The following ERBB4 variants were observed in gnomAD, a reference collection of about 807,000 sequenced individuals.
ERBB4 encodes receptor tyrosine-protein kinase erbB-4.
Under a neutral mutation model 158.0 loss-of-function variants are expected in ERBB4, and 42 were observed. The observed-to-expected ratio is 0.27, with a 90% CI of 0.21 to 0.34. The LOEUF (loss-of-function observed/expected upper bound fraction) is 0.34. Among genes scored for constraint, ERBB4 ranks in the 10% least tolerant of loss-of-function variants. The pLI, the probability that ERBB4 is intolerant of heterozygous loss-of-function variation, is 1.00. For synonymous variants in ERBB4, 583 were observed against 558.7 expected (o/e 1.04, Z -0.61); for missense variants, 1,333 against 1,624.1 (o/e 0.82, Z 3.08).
intron 3 of ERBB4, among the ~76,000 whole-genome samples, chr2:211,864,477 T>C (rs918096726): frequency 6.6e-6 from 1 of 152,172 alleles, no homozygotes; most frequent in Admixed American, 6.5e-5. Context: ...AGAAAGTCTG[T>C]AAACTGCCCC....
chr2:212,097,574 T>C (rs542754446), intron 2 of ERBB4, among the ~76,000 whole-genome samples: 1 of 152,020 alleles, frequency 6.6e-6, no homozygotes, highest in South Asian at 2.1e-4. Flanking sequence ...AGAAAGGAGA[T>C]GCATTGTGAT....
In ERBB4 at chr2:211,376,835, C is replaced by T. The variant is rs550745813; in HGVS notation, c.*6780G>A. 8.6e-6 allele frequency: 2 copies of T among 232,798 alleles called. No homozygotes were observed. The highest frequency in any genetic ancestry group is 4.4e-5 in the African/African-American group (2 of 45,240). The allele number at this position is 232,798 out of a possible 1,614,324, so 14.4% of individuals were successfully genotyped here. A position where few individuals can be genotyped will look rare whatever the true frequency, so the allele number is the denominator to read the frequency against. On this transcript the variant is annotated 3_prime_UTR_variant, in exon 28 of 28. Transcript: ENST00000342788. ...ACTAGTCATACACCATGGGAAAATGCGGTTTCAGCATGCAGCCACGCAATC... is the reference window on the plus strand; with the variant it reads ...ACTAGTCATACACCATGGGAAAATGTGGTTTCAGCATGCAGCCACGCAATC...
In ERBB4 at chr2:211,979,382, T is replaced by G. The variant is rs550045728; in HGVS notation, c.235-31766A>C. 3.6e-3 allele frequency among the ~76,000 whole-genome samples: 555 copies of G among 152,318 alleles called. 1 individual carries two copies. Among genetic ancestry groups the G allele is most frequent in the Non-Finnish European group, 6.3e-3 (427 of 68,012 alleles). ...AAGTTTATGTATTTTCATTTGTTTT[T>G]TAACCACATTATCTCTTGAGGTATA... is the stretch of plus-strand genomic sequence containing the variant. On this transcript the variant is annotated intron_variant, in intron 2 of 27. Transcript: ENST00000342788.
At chr2:211,731,693 A>G (rs1350248521) in intron 5 of ERBB4, among the ~76,000 whole-genome samples, 3 of 152,092 alleles carry the variant, frequency 2.0e-5, no homozygotes, top group Non-Finnish European at 2.9e-5. Context: ...TGACTAAAAA[A>G]CTGAACACTT....
intron 14 of ERBB4, among the ~76,000 whole-genome samples, chr2:211,668,834 T>C (rs937727819): frequency 4.6e-5 from 7 of 152,104 alleles, no homozygotes; most frequent in African/African-American, 1.7e-4. Flanking sequence ...AGACCCCATG[T>C]AGAAGTGGAA....
chr2:211,622,692 A>T (rs954856724), intron 18 of ERBB4, among the ~76,000 whole-genome samples: 8 of 151,788 alleles, frequency 5.3e-5, no homozygotes, highest in African/African-American at 1.9e-4. Context: ...CCAGCCGGGC[A>T]TGGTGGCTCA....
At chr2:211,658,131 A>G in intron 15 of ERBB4, 1 of 589,268 alleles carries the variant, frequency 1.7e-6, no homozygotes. Context: ...CAAGCCAGGA[A>G]GATTTTTGCT....
At chr2:211,401,896 CCT>C (rs2063050841) in intron 25 of ERBB4, among the ~76,000 whole-genome samples, 1 of 151,382 alleles carries the variant, frequency 6.6e-6, no homozygotes, top group Non-Finnish European at 1.5e-5. Context: ...GTAAGAAAAA[CCT>C]CTTTTATATT....
At chr2:212,084,245 C>T (rs752985663) in intron 2 of ERBB4, among the ~76,000 whole-genome samples, 7 of 151,874 alleles carry the variant, frequency 4.6e-5, no homozygotes, top group African/African-American at 7.2e-5. Context: ...AACAAATTAG[C>T]GGGAATTCAG....
intron 1 of ERBB4, among the ~76,000 whole-genome samples, chr2:212,414,004 CAG>C: frequency 6.6e-6 from 1 of 152,188 alleles, no homozygotes; most frequent in East Asian, 1.9e-4. Context: ...TACAACTTTC[CAG>C]AGTTATTGGG....
intron 2 of ERBB4, among the ~76,000 whole-genome samples, chr2:212,034,729 T>G (rs1340156763): frequency 6.6e-6 from 1 of 152,186 alleles, no homozygotes; most frequent in Non-Finnish European, 1.5e-5. Flanking sequence ...GTCAAGATTC[T>G]TTAGCCTTTT....
intron 1 of ERBB4, among the ~76,000 whole-genome samples, chr2:212,140,502 G>C (rs1395142519): frequency 6.9e-6 from 1 of 145,474 alleles, no homozygotes; most frequent in Non-Finnish European, 1.5e-5. Context: ...AATGTAAAAA[G>C]TATATTTCAT....
rs574094015 is a variant in ERBB4, at chr2:212,020,075, A to T, written c.235-72459T>A. ...ACTCATAGAGAAAATTCTGCTACCT[A>T]ATGAATGAACAATATATTCCACAGC... On this transcript the variant is annotated intron_variant, in intron 2 of 27. Coordinates refer to ENST00000342788, the MANE Select transcript of ERBB4 (RefSeq NM_005235.3). Among the ~76,000 whole-genome samples the T allele has an allele frequency of 2.6e-5, 4 of 152,272 alleles. No homozygotes were observed. In the South Asian group the frequency reaches 8.3e-4, roughly 32 times the overall value.
intron 1 of ERBB4, among the ~76,000 whole-genome samples, chr2:212,367,825 GA>G (rs1450489744): frequency 6.6e-6 from 1 of 151,964 alleles, no homozygotes; most frequent in African/African-American, 2.4e-5. Flanking sequence ...ACAAACATAT[GA>G]AAAAATGCTC....
intron 4 of ERBB4, among the ~76,000 whole-genome samples, chr2:211,751,114 T>G (rs1024222660): frequency 2.0e-5 from 3 of 152,146 alleles, no homozygotes; most frequent in Non-Finnish European, 2.9e-5. Flanking sequence ...AAGCAACAGT[T>G]AAAAATAAGT....
At chr2:212,271,658 A>G (rs2085348189) in intron 1 of ERBB4, among the ~76,000 whole-genome samples, 1 of 151,784 alleles carries the variant, frequency 6.6e-6, no homozygotes, top group Non-Finnish European at 1.5e-5. Flanking sequence ...CTTGTTCCGA[A>G]CAGCAAGTAG....
At position 212,124,907 on chromosome 2, in the gene ERBB4, C is replaced by T. The variant is rs2125571836; in HGVS notation, c.83-4G>A. On this transcript the variant is annotated splice_region_variant and splice_polypyrimidine_tract_variant and intron_variant, in intron 1 of 27. Coordinates refer to ENST00000342788, the MANE Select transcript of ERBB4 (RefSeq NM_005235.3). ...TTATTCTCCGTTCCTGCACACACTG[C>T]AAAGACAAGAAGATACACGTGAAAT... 6.2e-7 allele frequency: 1 copy of T among 1,614,102 alleles called. No individual in the cohort carries two copies. Among genetic ancestry groups the T allele is most frequent in the South Asian group, 1.1e-5 (1 of 91,080 alleles).
chr2:211,429,539 T>A (rs2063706044), intron 21 of ERBB4, among the ~76,000 whole-genome samples: 1 of 151,786 alleles, frequency 6.6e-6, no homozygotes, highest in South Asian at 2.1e-4. Flanking sequence ...GCAGAATGAG[T>A]TTCAACTATG....
At chr2:212,147,842 G>A (rs1213417307) in intron 1 of ERBB4, among the ~76,000 whole-genome samples, 1 of 152,042 alleles carries the variant, frequency 6.6e-6, no homozygotes, top group Non-Finnish European at 1.5e-5. Flanking sequence ...GTAACATAAA[G>A]TTTCTTCATA....
Sources: gnomAD v4.1 joint callset for allele counts (sites outside exome capture counted in the v4.1 genomes callset) on GRCh38, gnomAD v4.1.1 for gene constraint, MANE v1.5 for transcripts, NCBI Gene and HGNC (gene_info 2026-07-23, HGNC 2026-07-21) for gene names.